The following CNNM1 variants were observed in gnomAD, a reference collection of about 807,000 sequenced individuals.
CNNM1 encodes cyclin and CBS domain divalent metal cation transport mediator 1, also known as metal transporter CNNM1.
CNNM1 carries 44 observed loss-of-function variants against 78.8 expected under a neutral mutation model. That is an observed-to-expected ratio of 0.56 (90% CI 0.44 to 0.72). The LOEUF (loss-of-function observed/expected upper bound fraction) is 0.72, where lower values mean the gene tolerates loss of function less well. Ranked by LOEUF, CNNM1 falls within the 30% of genes least tolerant of loss-of-function variation. The probability of loss-of-function intolerance (pLI) is 0.00; values close to 1 mark genes in which losing one functional copy is unlikely to be tolerated. For synonymous variants in CNNM1, 584 were observed against 581.5 expected (o/e 1.00, Z -0.06); for missense variants, 1,101 against 1,292.2 (o/e 0.85, Z 2.27).
At chr10:99,350,153 A>G (rs17111543) in intron 1 of CNNM1, among the ~76,000 whole-genome samples, 12,435 of 152,274 alleles carry the variant, frequency 0.082, 657 homozygotes, top group South Asian at 0.12. Flanking sequence ...ATACATTTCC[A>G]TTGGTACCAA....
At chr10:99,361,719 T>C (rs2031440671) in intron 3 of CNNM1, among the ~76,000 whole-genome samples, 1 of 152,196 alleles carries the variant, frequency 6.6e-6, no homozygotes, top group Non-Finnish European at 1.5e-5. Context: ...ATATAAGCAA[T>C]AGCTGTAATA....
At chr10:99,352,588 T>C (rs992895450) in intron 1 of CNNM1, among the ~76,000 whole-genome samples, 2 of 152,236 alleles carry the variant, frequency 1.3e-5, no homozygotes, top group Non-Finnish European at 2.9e-5. Flanking sequence ...CTCATTAGCA[T>C]CTTGATTTGA....
intron 6 of CNNM1, among the ~76,000 whole-genome samples, chr10:99,365,364 T>A (rs980151268): frequency 6.6e-6 from 1 of 152,222 alleles, no homozygotes; most frequent in Non-Finnish European, 1.5e-5. Context: ...CCCATGGCCT[T>A]TACTCAAACA....
chr10:99,375,043 C>T (rs1163788409), intron 6 of CNNM1, among the ~76,000 whole-genome samples: 2 of 151,590 alleles, frequency 1.3e-5, no homozygotes, highest in Non-Finnish European at 2.9e-5. Context: ...TTAGCTGAGG[C>T]GGGAGGAGGT....
chr10:99,372,638 A>G (rs946172212), intron 6 of CNNM1, among the ~76,000 whole-genome samples: 1 of 151,908 alleles, frequency 6.6e-6, no homozygotes, highest in African/African-American at 2.4e-5. Flanking sequence ...CTGCTAAGAC[A>G]CTCGTCTGTT....
At position 99,360,948 on chromosome 10, in the gene CNNM1, C is replaced by T. The variant is rs780424035; in HGVS notation, c.1831C>T (p.Leu611=). Residue 611 remains leucine (L), a synonymous_variant, in exon 3 of 11, where the codon CTA becomes TTA. Transcript: ENST00000356713. Reference sequence around the variant, plus strand: ...GGTGAAGATCTCACCACAGCTTCTGCTAGCCACACACCGCTTCATGGCCAC... The same window carrying T: ...GGTGAAGATCTCACCACAGCTTCTGTTAGCCACACACCGCTTCATGGCCAC... ...MRVKISPQLL[L]ATHRFMATEV... 1 of 1,611,320 alleles carries T rather than the reference C, an allele frequency of 6.2e-7. No individual in the cohort carries two copies. The highest frequency in any genetic ancestry group is 8.5e-7 in the Non-Finnish European group (1 of 1,177,938).
intron 1 of CNNM1, among the ~76,000 whole-genome samples, chr10:99,342,499 C>T (rs1294137765): frequency 6.6e-6 from 1 of 152,056 alleles, no homozygotes; most frequent in African/African-American, 2.4e-5. Context: ...TTGATTATTT[C>T]TGATAAAATA....
At chr10:99,380,225 A>C (rs1178633994) in intron 7 of CNNM1, among the ~76,000 whole-genome samples, 1 of 152,086 alleles carries the variant, frequency 6.6e-6, no homozygotes, top group African/African-American at 2.4e-5. Context: ...ATACCACTAC[A>C]TTGGGGTTAG....
intron 3 of CNNM1, among the ~76,000 whole-genome samples, chr10:99,361,291 C>T (rs952013370): frequency 5.9e-5 from 9 of 152,218 alleles, no homozygotes; most frequent in Non-Finnish European, 1.2e-4. Context: ...ATCTCCCTGT[C>T]TGTTAGACTT....
At chr10:99,357,758 C>CAGGG in intron 2 of CNNM1, 103 bp downstream of exon 2, 15 of 1,194,178 alleles carry the variant, frequency 1.3e-5, no homozygotes, top group African/African-American at 1.5e-5. Context: ...AGGGCAAACC[C>CAGGG]TGTGCCCTGA....
chr10:99,361,070 G>C, intron 3 of CNNM1, 95 bp downstream of exon 3: 2 of 1,339,154 alleles, frequency 1.5e-6, no homozygotes, highest in Non-Finnish European at 1.0e-6. Flanking sequence ...CCTGATTCCA[G>C]TGTGCTGTCA....
intron 1 of CNNM1, among the ~76,000 whole-genome samples, chr10:99,333,022 A>T (rs1006738888): frequency 2.0e-5 from 3 of 152,196 alleles, no homozygotes; most frequent in Non-Finnish European, 2.9e-5. Context: ...GCAGTCCAAG[A>T]TCAAGGTGTC....
At chr10:99,334,963 A>G (rs1589882792) in intron 1 of CNNM1, among the ~76,000 whole-genome samples, 1 of 152,282 alleles carries the variant, frequency 6.6e-6, no homozygotes, top group Non-Finnish European at 1.5e-5. Flanking sequence ...TTCCATAACT[A>G]ATAACTGACT....
At chr10:99,345,350 A>G (rs1417267639) in intron 1 of CNNM1, among the ~76,000 whole-genome samples, 1 of 151,998 alleles carries the variant, frequency 6.6e-6, no homozygotes, top group African/African-American at 2.4e-5. Context: ...TGCAATGAAA[A>G]CCTTCAAAAG....
At chr10:99,355,303 A>G (rs925364297) in intron 1 of CNNM1, among the ~76,000 whole-genome samples, 4 of 151,914 alleles carry the variant, frequency 2.6e-5, no homozygotes, top group Non-Finnish European at 5.9e-5. Flanking sequence ...GAAGGATAGC[A>G]TTAGGAGATA....
At chr10:99,372,815 G>A (rs1241389708) in intron 6 of CNNM1, among the ~76,000 whole-genome samples, 4 of 152,140 alleles carry the variant, frequency 2.6e-5, no homozygotes, top group African/African-American at 7.2e-5. Flanking sequence ...ACTCAGAGGG[G>A]CCGGGACTTT....
Position 99,394,175 on chromosome 10 carries a change from C to G in CNNM1, c.*2659C>G, listed in dbSNP as rs971074082. On this transcript the variant is annotated 3_prime_UTR_variant, in exon 11 of 11. Coordinates refer to ENST00000356713, the MANE Select transcript of CNNM1 (RefSeq NM_020348.3). ...ATCCCTTTGCAAAATCCCTATGGAG[C>G]CTGTCACCACTCCCCTCCCTATATA... The G allele has an allele frequency of 6.6e-6, 1 of 152,418 alleles. No homozygotes were observed. The highest frequency in any genetic ancestry group is 2.4e-5 in the African/African-American group (1 of 41,350). The allele number at this position is 152,418 out of a possible 1,614,324, so 9.4% of individuals were successfully genotyped here. A position where few individuals can be genotyped will look rare whatever the true frequency, so the allele number is the denominator to read the frequency against.
chr10:99,389,481 C>A (rs1228324999), intron 9 of CNNM1, among the ~76,000 whole-genome samples: 1 of 151,704 alleles, frequency 6.6e-6, no homozygotes, highest in Non-Finnish European at 1.5e-5. Context: ...TGTGGCTGAC[C>A]CAGAAAATCT....
chr10:99,388,101 C>T lies in CNNM1; in HGVS notation c.2525-51C>T. ...CTTCCCAGGGCTCACACCACCTGAG[C>T]CCTGGGTCTTCTCCAAAGCAGAGAG... On this transcript the variant is annotated intron_variant, in intron 8 of 10. Transcript: ENST00000356713. The T allele has an allele frequency of 2.5e-6, 4 of 1,608,346 alleles. No homozygotes were observed. In the South Asian group the frequency reaches 3.3e-5, roughly 13 times the overall value.
Sources: allele counts gnomAD v4.1 joint callset (sites outside exome capture counted in the v4.1 genomes callset), GRCh38; gene constraint gnomAD v4.1.1; transcripts MANE v1.5; gene names NCBI Gene and HGNC (gene_info 2026-07-23, HGNC 2026-07-21).